Variants in BUD13 observed in about 807,000 individuals in gnomAD.
BUD13 encodes the protein BUD13 spliceosome associated protein, also known as BUD13 homolog.
Under a neutral mutation model 62.5 loss-of-function variants are expected in BUD13, and 47 were observed. The observed-to-expected ratio is 0.75, with a 90% CI of 0.60 to 0.96. The LOEUF (loss-of-function observed/expected upper bound fraction) is 0.96. Among genes scored for constraint, BUD13 ranks in the 40% least tolerant of loss-of-function variants. BUD13 has a pLI of 0.00. For synonymous variants in BUD13, 293 were observed against 280.1 expected (o/e 1.05, Z -0.46); for missense variants, 821 against 790.9 (o/e 1.04, Z -0.46).
intron 9 of BUD13, among the ~76,000 whole-genome samples, chr11:116,753,023 G>A (rs1175989227): frequency 2.0e-5 from 3 of 152,224 alleles, no homozygotes; most frequent in Admixed American, 1.3e-4. Context: ...AGAGTAACCC[G>A]AACAGACTAA....
Position 116,748,467 on chromosome 11 carries a change from A to G in BUD13, c.*15T>C. 1 of 1,613,422 alleles carries G rather than the reference A, an allele frequency of 6.2e-7. No individual in the cohort carries two copies. Among genetic ancestry groups the G allele is most frequent in the Non-Finnish European group, 8.5e-7 (1 of 1,179,378 alleles). On this transcript the variant is annotated 3_prime_UTR_variant, in exon 10 of 10. Coordinates refer to ENST00000260210, the MANE Select transcript of BUD13 (RefSeq NM_032725.4). ...CCACTACCACAGCCCAGCCACCCCC[A>G]CAGCCTCAGGAAAGTTACATATCCT...
chr11:116,772,961 C>G lies in BUD13; in HGVS notation c.4G>C (p.Ala2Pro). 1 of 1,552,340 alleles carries G rather than the reference C, an allele frequency of 6.4e-7. No homozygotes were observed. The highest frequency in any genetic ancestry group is 1.2e-5 in the South Asian group (1 of 86,078). MAAAPPLSKAEY... is the reference protein window; with the variant it reads MPAAPPLSKAEY... Reference sequence around the variant, plus strand: ...GCCTTGGAAAGCGGCGGAGCTGCCGCCATGGCAGCGGCGGGGGCAGAGAGA... The same window carrying G: ...GCCTTGGAAAGCGGCGGAGCTGCCGGCATGGCAGCGGCGGGGGCAGAGAGA... The change falls in exon 1 of 10, where the codon GCG becomes CCG. Residue 2 changes from alanine to proline, a missense_variant. Physicochemically the swap from Ala to Pro is conservative, Grantham distance 27. Coordinates refer to ENST00000260210, the MANE Select transcript of BUD13 (RefSeq NM_032725.4).
intron 9 of BUD13, among the ~76,000 whole-genome samples, chr11:116,753,204 C>G (rs993327862): frequency 6.6e-6 from 1 of 152,150 alleles, no homozygotes; most frequent in Non-Finnish European, 1.5e-5. Flanking sequence ...CAGAAAGCCA[C>G]AGGCTTACTG....
In BUD13 at chr11:116,762,772, C is replaced by T; in HGVS notation, c.817G>A (p.Asp273Asn). Residue 273 changes from aspartate (D) to asparagine (N), a missense_variant, in exon 4 of 10, where the codon GAT becomes AAT. By Grantham distance (23) the Asp-to-Asn change is conservative. Transcript: ENST00000260210. The part of the protein sequence containing the change: ...QLRRARHDSP[D>N]LAPNVTYSLP... ...GAATAAGTGACATTAGGAGCCAAAT[C>T]AGGGGAGTCATGACGGGCCCTTCTG... 1 of 1,614,144 alleles carries T rather than the reference C, an allele frequency of 6.2e-7. No homozygotes were observed. The highest frequency in any genetic ancestry group is 8.5e-7 in the Non-Finnish European group (1 of 1,180,014).
intron 2 of BUD13, among the ~76,000 whole-genome samples, chr11:116,766,122 C>T (rs919488167): frequency 6.6e-5 from 10 of 152,160 alleles, no homozygotes; most frequent in African/African-American, 9.7e-5. Flanking sequence ...TTACTAGTAC[C>T]GTATCTGCCT....
chr11:116,763,008 C>G lies in BUD13; in HGVS notation c.581G>C (p.Arg194Pro). 1 of 1,613,728 alleles carries G rather than the reference C, an allele frequency of 6.2e-7. No individual in the cohort carries two copies. The highest frequency in any genetic ancestry group is 8.5e-7 in the Non-Finnish European group (1 of 1,179,866). Residue 194 changes from arginine (R) to proline (P), a missense_variant, in exon 4 of 10, where the codon CGT becomes CCT. Physicochemically the swap from Arg to Pro is moderately radical, Grantham distance 103 (BLOSUM62 -2). This residue lies in a region of BUD13 where 800 missense variants were observed against 739.2 expected (regional missense o/e 1.08). Transcript: ENST00000260210. Reference sequence around the variant, plus strand: ...GGGAGAAGGATCTGGAGAATCATGACGGGCCCTCCTTGGGGGTGAAGTGTC... The same window carrying G: ...GGGAGAAGGATCTGGAGAATCATGAGGGGCCCTCCTTGGGGGTGAAGTGTC... ...SSDTSPPRRA[R>P]HDSPDPSPPR...
chr11:116,751,550 C>T (rs911058717), intron 9 of BUD13, among the ~76,000 whole-genome samples: 9 of 152,014 alleles, frequency 5.9e-5, no homozygotes, highest in Non-Finnish European at 1.2e-4. Context: ...ATTGCTTGAA[C>T]CTAGGAGGCG....
At chr11:116,760,397 A>G (rs1940408346) in intron 5 of BUD13, among the ~76,000 whole-genome samples, 1 of 152,248 alleles carries the variant, frequency 6.6e-6, no homozygotes, top group Admixed American at 6.5e-5. Flanking sequence ...TCCGTTTGAC[A>G]CAATGCTTGT....
intron 9 of BUD13, among the ~76,000 whole-genome samples, chr11:116,749,982 G>A (rs541031314): frequency 5.9e-5 from 9 of 152,348 alleles, no homozygotes; most frequent in Admixed American, 5.2e-4. Context: ...AGAAGCTGAT[G>A]AGTTCAGCTT....
intron 9 of BUD13, among the ~76,000 whole-genome samples, chr11:116,753,953 T>C (rs547235984): frequency 1.7e-4 from 26 of 152,326 alleles, no homozygotes; most frequent in African/African-American, 1.4e-4. Flanking sequence ...CTACCTTATA[T>C]AGCTACAGAA....
At chr11:116,753,772 G>A (rs1231593052) in intron 9 of BUD13, among the ~76,000 whole-genome samples, 1 of 152,162 alleles carries the variant, frequency 6.6e-6, no homozygotes, top group Non-Finnish European at 1.5e-5. Flanking sequence ...AATCTCAGCA[G>A]AGAAATGTAA....
intron 9 of BUD13, among the ~76,000 whole-genome samples, chr11:116,756,295 T>C (rs1940323529): frequency 6.6e-6 from 1 of 152,166 alleles, no homozygotes; most frequent in Non-Finnish European, 1.5e-5. Flanking sequence ...GCGGGTCACC[T>C]GAGGTCAGGA....
At position 116,760,968 on chromosome 11, in the gene BUD13, G is replaced by A; in HGVS notation, c.1037-16C>T. ...TGGCAGTCACCTGGATAGGAGCAAA[G>A]AATCTGTGTGACTCTGATGTCCTCT... On this transcript the variant is annotated splice_polypyrimidine_tract_variant and intron_variant, in intron 4 of 9. Coordinates refer to ENST00000260210, the MANE Select transcript of BUD13 (RefSeq NM_032725.4). 1 of 1,606,676 alleles carries A rather than the reference G, an allele frequency of 6.2e-7. No individual in the cohort carries two copies.
chr11:116,755,785 T>C (rs1364445072), intron 9 of BUD13, among the ~76,000 whole-genome samples: 1 of 152,228 alleles, frequency 6.6e-6, no homozygotes, highest in East Asian at 1.9e-4. Context: ...GTAATTATGT[T>C]AACATAATTA....
In BUD13 at chr11:116,772,826, TGCC is replaced by T; in HGVS notation, c.136_138del (p.Gly46del). 6.3e-7 allele frequency: 1 copy of T among 1,576,336 alleles called. No individual in the cohort carries two copies. The highest frequency in any genetic ancestry group is 8.6e-7 in the Non-Finnish European group (1 of 1,165,032). ...CCCCGGCCGGTACCAACTCACCCCT[TGCC>T]GCCGGCCCCGCCAGGCTTCGGCCGC... is the stretch of plus-strand genomic sequence containing the variant. On this transcript the variant is annotated inframe_deletion, in exon 1 of 10. Transcript: ENST00000260210.
At position 116,758,329 on chromosome 11, in the gene BUD13, T is replaced by G. The variant is rs1940368615; in HGVS notation, c.1439A>C (p.Gln480Pro). ...KRNLKLERLE[Q>P]RRKAEKDSER... ...TGAGTCCTTTTCTGCTTTCCTCCTT[T>G]GCTCTAAACGTTCGAGTTTCAAATT... is the stretch of plus-strand genomic sequence containing the variant. The change falls in exon 7 of 10, where the codon CAA (glutamine) becomes CCA (proline). Residue 480 changes from glutamine to proline, a missense_variant. Coordinates refer to ENST00000260210, the MANE Select transcript of BUD13 (RefSeq NM_032725.4). The G allele has an allele frequency of 6.2e-7, 1 of 1,614,120 alleles. No individual in the cohort carries two copies. The highest frequency in any genetic ancestry group is 1.3e-5 in the African/African-American group (1 of 74,938).
At chr11:116,753,368 A>G (rs1940272460) in intron 9 of BUD13, among the ~76,000 whole-genome samples, 1 of 152,246 alleles carries the variant, frequency 6.6e-6, no homozygotes, top group Non-Finnish European at 1.5e-5. Flanking sequence ...TGTGCAGAGA[A>G]AATACCATCA....
Position 116,748,504 on chromosome 11 carries a change from T to C in BUD13, c.1838A>G (p.Lys613Arg). Reference protein sequence around the residue: ...SKKAVEELAYKWSVEDM With the variant: ...SKKAVEELAYRWSVEDM ...AAGTTACATATCCTCAACACTCCAT[T>C]TGTAGGCAAGTTCCTCCACTGCCTT... The change falls in exon 10 of 10, where the codon AAA becomes AGA. Residue 613 changes from lysine (K) to arginine (R), a missense_variant. By Grantham distance (26) the Lys-to-Arg change is conservative. Transcript: ENST00000260210. 2.5e-6 allele frequency: 4 copies of C among 1,614,202 alleles called. No individual in the cohort carries two copies. Among genetic ancestry groups the C allele is most frequent in the Non-Finnish European group, 3.4e-6 (4 of 1,180,018 alleles).
rs558166700 is a variant in BUD13 at position 116,762,966 on chromosome 11, T to G, written c.623A>C (p.His208Pro). The stretch of plus-strand genomic sequence containing the variant: ...CCTAGGAGATGCACCTGAAGAATTA[T>G]GCTGAGGCCTCCTTGGGGGAGAAGG... Reference protein sequence around the residue: ...PDPSPPRRPQHNSSGASPRRV... With the variant: ...PDPSPPRRPQPNSSGASPRRV... Residue 208 changes from histidine to proline, a missense_variant, in exon 4 of 10, where the codon CAT becomes CCT. Around this residue, in one of 2 missense-constraint regions of BUD13, gnomAD observed 800 missense variants for 739.2 expected, o/e 1.08. Transcript: ENST00000260210. The G allele has an allele frequency of 1.2e-6, 2 of 1,613,898 alleles. No homozygotes were observed. The highest frequency in any genetic ancestry group is 2.2e-5 in the South Asian group (2 of 91,066).
Sources: gnomAD v4.1 joint callset for allele counts (sites outside exome capture counted in the v4.1 genomes callset) on GRCh38, gnomAD v4.1.1 for gene constraint, gnomAD v4.1.1 regional missense constraint, MANE v1.5 for transcripts, NCBI Gene and HGNC (gene_info 2026-07-23, HGNC 2026-07-21) for gene names.